Variants in FAM120B observed in about 807,000 individuals in gnomAD.
The protein encoded by FAM120B is constitutive coactivator of peroxisome proliferator-activated receptor gamma.
FAM120B carries 83 observed loss-of-function variants against 96.3 expected under a neutral mutation model. The observed-to-expected ratio is 0.86, with a 90% CI of 0.72 to 1.03. The LOEUF (loss-of-function observed/expected upper bound fraction) is 1.03. Ranked by LOEUF, FAM120B falls within the 50% of genes least tolerant of loss-of-function variation. FAM120B has a pLI of 0.00. For synonymous variants in FAM120B, 407 were observed against 402.7 expected, an observed-to-expected ratio of 1.01 and a Z score of -0.13; for missense variants, 1,027 against 1,121.2, an observed-to-expected ratio of 0.92 and a Z score of 1.20.
upstream of FAM120B, among the ~76,000 whole-genome samples, chr6:170,294,063 G>A (rs1288234586): frequency 2.0e-5 from 3 of 152,146 alleles, no homozygotes; most frequent in African/African-American, 4.8e-5. The surrounding 1 kb of genome is among the most constrained non-coding windows in gnomAD (Gnocchi z 7.9). Flanking sequence ...ACCAAATGGC[G>A]TTTTTTCACT....
chr6:170,336,451 T>C (rs1448698690), intron 4 of FAM120B, among the ~76,000 whole-genome samples: 3 of 152,206 alleles, frequency 2.0e-5, no homozygotes, highest in Non-Finnish European at 4.4e-5. Context: ...TGTAGTATAG[T>C]TTGAAGTCAG....
chr6:170,361,235 T>TATATATATACAC (rs1218513547), intron 6 of FAM120B, among the ~76,000 whole-genome samples: 1 of 90,050 alleles, frequency 1.1e-5, no homozygotes, highest in East Asian at 2.1e-3. Flanking sequence ...TATATATATA[T>TATATATATACAC]ACACGTATAT....
chr6:170,340,693 G>A (rs1359605530), intron 4 of FAM120B, among the ~76,000 whole-genome samples: 1 of 152,182 alleles, frequency 6.6e-6, no homozygotes, highest in African/African-American at 2.4e-5. Context: ...TGTCCTTTTT[G>A]TTAATGTTGA....
intron 1 of FAM120B, among the ~76,000 whole-genome samples, chr6:170,298,585 C>T (rs866688483): frequency 6.6e-6 from 1 of 151,052 alleles, no homozygotes; most frequent in African/African-American, 2.4e-5. Flanking sequence ...CGGTCATCAT[C>T]ACTAATAACT....
At position 170,370,668 on chromosome 6, in the gene FAM120B, A is replaced by T. The variant is rs1789129476; in HGVS notation, c.2283+12350A>T. Among the ~76,000 whole-genome samples, 1 of 152,230 alleles carries T rather than the reference A, an allele frequency of 6.6e-6. No individual in the cohort carries two copies. Among genetic ancestry groups the T allele is most frequent in the Non-Finnish European group, 1.5e-5 (1 of 68,046 alleles). ...TAAAGGGGAAGAACAGCAGAACTGC[A>T]GTCAGCAGTTCAGATATTACCTCAC... On this transcript the variant is annotated intron_variant, in intron 6 of 10. Coordinates refer to ENST00000476287, the MANE Select transcript of FAM120B (RefSeq NM_032448.3). The surrounding 1 kb of genome is among the most constrained non-coding windows in gnomAD (Gnocchi z 4.3).
At chr6:170,292,111 C>A (rs1163667890), upstream of FAM120B, among the ~76,000 whole-genome samples, 1 of 152,240 alleles carries the variant, frequency 6.6e-6, no homozygotes, top group East Asian at 1.9e-4. The surrounding 1 kb of genome is among the most constrained non-coding windows in gnomAD (Gnocchi z 6.6). Context: ...GCGCGCGCCG[C>A]GGCCTCTGCA....
intron 6 of FAM120B, among the ~76,000 whole-genome samples, chr6:170,384,800 G>A (rs1234693870): frequency 6.6e-6 from 1 of 152,228 alleles, no homozygotes; most frequent in Non-Finnish European, 1.5e-5. Flanking sequence ...AGTTTTTAAA[G>A]GGTTGGTTTA....
At chr6:170,401,457 C>T (rs902648893) in intron 9 of FAM120B, among the ~76,000 whole-genome samples, 5 of 152,000 alleles carry the variant, frequency 3.3e-5, no homozygotes, top group African/African-American at 4.8e-5. Context: ...AGAAGGAGGC[C>T]GTCCAGAAGC....
At chr6:170,397,698 A>T (rs953144314) in intron 9 of FAM120B, among the ~76,000 whole-genome samples, 8 of 152,182 alleles carry the variant, frequency 5.3e-5, no homozygotes, top group African/African-American at 1.9e-4. Flanking sequence ...GAGTAAAGCT[A>T]CTGGGTGAAG....
intron 2 of FAM120B, among the ~76,000 whole-genome samples, chr6:170,322,494 T>C (rs1785358748): frequency 6.6e-6 from 1 of 152,112 alleles, no homozygotes; most frequent in African/African-American, 2.4e-5. Flanking sequence ...GGGGCACAAG[T>C]AAAGGTAGAA....
Position 170,395,606 on chromosome 6 carries a change from G to T in FAM120B, c.2692+27G>T, listed in dbSNP as rs746005487. 2.6e-6 allele frequency: 4 copies of T among 1,520,952 alleles called. No homozygotes were observed. The East Asian group carries it at 7.2e-5, about 27-fold the overall frequency. 94.2% of individuals were successfully genotyped at this position (1,520,952 alleles called of 1,614,324 possible). A position where few individuals can be genotyped will look rare whatever the true frequency, so the allele number is the denominator to read the frequency against. ...TAAGAAGGCCAGTGGTCACTCTGCT[G>T]GGCCACCTGCATGGCACTGCCTCTC... On this transcript the variant is annotated intron_variant, in intron 9 of 10. Coordinates refer to ENST00000476287, the MANE Select transcript of FAM120B (RefSeq NM_032448.3).
At chr6:170,333,090 C>T (rs1213550041) in intron 4 of FAM120B, among the ~76,000 whole-genome samples, 1 of 152,024 alleles carries the variant, frequency 6.6e-6, no homozygotes, top group African/African-American at 2.4e-5. Flanking sequence ...TCAAAATTAA[C>T]GAGCCAGGGA....
rs1240362147 is a variant in FAM120B, at chr6:170,330,428, G to A, written c.1916-21G>A. The A allele has an allele frequency of 1.9e-6, 3 of 1,602,302 alleles. No individual in the cohort carries two copies. The African/African-American group carries it at 4.0e-5, about 21-fold the overall frequency. ...CGATGCATGCCCTCATGCATCTACT[G>A]ACCCAACTCTTTTTCTTCAGATGTC... On this transcript the variant is annotated intron_variant, in intron 3 of 10. Coordinates refer to ENST00000476287, the MANE Select transcript of FAM120B (RefSeq NM_032448.3).
At chr6:170,299,000 G>A (rs898348098) in intron 1 of FAM120B, among the ~76,000 whole-genome samples, 1 of 152,220 alleles carries the variant, frequency 6.6e-6, no homozygotes, top group African/African-American at 2.4e-5. Context: ...CATCACAGGG[G>A]CTGAGGACCC....
chr6:170,357,918 C>T (rs1313470376), intron 5 of FAM120B, among the ~76,000 whole-genome samples: 1 of 152,210 alleles, frequency 6.6e-6, no homozygotes, highest in Non-Finnish European at 1.5e-5. Context: ...CTGTCTGCTG[C>T]CTGAGGTCTG....
chr6:170,398,018 G>T (rs879523796), intron 9 of FAM120B, among the ~76,000 whole-genome samples: 1 of 152,248 alleles, frequency 6.6e-6, no homozygotes, highest in Non-Finnish European at 1.5e-5. Context: ...CTGGGCCTCA[G>T]GAAGGTGGAG....
chr6:170,301,606 C>G (rs1173738126), intron 1 of FAM120B, among the ~76,000 whole-genome samples: 1 of 152,182 alleles, frequency 6.6e-6, no homozygotes, highest in Non-Finnish European at 1.5e-5. Context: ...AACTTTTATG[C>G]TCTGCTTCCT....
At chr6:170,345,730 C>G (rs1371997152) in intron 4 of FAM120B, among the ~76,000 whole-genome samples, 1 of 152,214 alleles carries the variant, frequency 6.6e-6, no homozygotes, top group African/African-American at 2.4e-5. Flanking sequence ...CTGGAAATCT[C>G]TTCCTTGGAT....
intron 7 of FAM120B, among the ~76,000 whole-genome samples, chr6:170,390,137 A>G (rs868324850): frequency 7.9e-5 from 12 of 152,170 alleles, no homozygotes; most frequent in Middle Eastern, 3.2e-3. Flanking sequence ...GAGAGAGCAT[A>G]CCGGTCTGTC....
Sources: allele counts gnomAD v4.1 joint callset (sites outside exome capture counted in the v4.1 genomes callset), GRCh38; gene constraint gnomAD v4.1.1; non-coding constraint Gnocchi (gnomAD v3.1); transcripts MANE v1.5; gene names NCBI Gene and HGNC (gene_info 2026-07-23, HGNC 2026-07-21).